Variants in SIRPG observed in about 807,000 individuals in gnomAD.
The protein encoded by SIRPG is signal regulatory protein gamma.
Under a neutral mutation model 35.7 loss-of-function variants are expected in SIRPG, and 38 were observed. The observed-to-expected ratio is 1.06, with a 90% CI of 0.82 to 1.40. The LOEUF (loss-of-function observed/expected upper bound fraction) is 1.40. SIRPG is among the 40% of genes most tolerant of loss of function. The pLI, the probability that SIRPG is intolerant of heterozygous loss-of-function variation, is 0.00. For missense variants in SIRPG, 519 were observed against 483.0 expected, an observed-to-expected ratio of 1.07 and a Z score of -0.70; for synonymous variants, 215 against 190.4, an observed-to-expected ratio of 1.13 and a Z score of -1.06.
the SIRPG span, among the ~76,000 whole-genome samples, chr20:1,680,653 T>G: frequency 6.6e-6 from 1 of 152,110 alleles, no homozygotes; most frequent in Non-Finnish European, 1.5e-5. Flanking sequence ...GATGTTTCAG[T>G]AAACAAATGA....
Position 1,636,236 on chromosome 20 carries a change from G to T in SIRPG, c.700C>A (p.Gln234Lys), listed in dbSNP as rs1439146809. ...GCAGTCCCACGAAGAGGGTCCCCCTGCAAGGTGACATGGGCCACCTCGCAG... is the reference window on the plus strand; with the variant it reads ...GCAGTCCCACGAAGAGGGTCCCCCTTCAAGGTGACATGGGCCACCTCGCAG... The part of the protein sequence containing the change: ...VICEVAHVTL[Q>K]GDPLRGTANL... The change falls in exon 3 of 6, where the codon CAG (glutamine) becomes AAG (lysine). Residue 234 changes from glutamine to lysine, a missense_variant. Gln to Lys is a moderately conservative substitution (Grantham distance 53, BLOSUM62 1). Transcript: ENST00000303415. 3 of 1,614,082 alleles carry T rather than the reference G, an allele frequency of 1.9e-6. No individual in the cohort carries two copies. Among genetic ancestry groups the T allele is most frequent in the Admixed American group, 1.7e-5 (1 of 60,002 alleles).
At chr20:1,678,892 C>T in the SIRPG span, among the ~76,000 whole-genome samples, 1 of 152,188 alleles carries the variant, frequency 6.6e-6, no homozygotes. Flanking sequence ...CAGCTGAGTT[C>T]TTATCAGAAG....
chr20:1,644,569 C>T (rs2091882707), intron 2 of SIRPG, among the ~76,000 whole-genome samples: 1 of 152,148 alleles, frequency 6.6e-6, no homozygotes, highest in South Asian at 2.1e-4. Flanking sequence ...GCAGCCACAG[C>T]TGTGATCCTG....
At chr20:1,643,470 T>G (rs530697920) in intron 2 of SIRPG, among the ~76,000 whole-genome samples, 1 of 152,300 alleles carries the variant, frequency 6.6e-6, no homozygotes, top group South Asian at 2.1e-4. Context: ...CCAGCTCCTG[T>G]AACCTTTTAT....
At chr20:1,683,335 T>C in the SIRPG span, among the ~76,000 whole-genome samples, 146 of 152,340 alleles carry the variant, frequency 9.6e-4, 1 homozygote, top group African/African-American at 3.3e-3. Context: ...GAAAACAGTA[T>C]GGAGTTTCCT....
chr20:1,635,520 G>A lies in SIRPG; in HGVS notation c.828C>T (p.Phe276=), dbSNP rs774888855. ...QVNVTCQVRK[F]YPQSLQLTWS... is the part of the protein sequence containing the mutation. ...AGGTCAGCTGTAGGCTCTGGGGGTA[G>A]AACTTCCTCACCTGGCAGGTGACGT... Residue 276 remains phenylalanine, a synonymous_variant, in exon 4 of 6, where the codon TTC becomes TTT. Transcript: ENST00000303415. 4 of 1,614,146 alleles carry A rather than the reference G, an allele frequency of 2.5e-6. No homozygotes were observed. In the South Asian group the frequency reaches 4.4e-5, roughly 18 times the overall value.
At chr20:1,663,326 TA>T in the SIRPG span, among the ~76,000 whole-genome samples, 2 of 150,494 alleles carry the variant, frequency 1.3e-5, no homozygotes, top group African/African-American at 2.4e-5. Context: ...TCTCAAAAAA[TA>T]AAAAAAAATC....
the SIRPG span, chr20:1,666,607 T>C: frequency 2.0e-5 from 3 of 152,204 alleles, no homozygotes; most frequent in African/African-American, 4.8e-5. Context: ...GTCACTGCAC[T>C]CCAGCCTGGG....
chr20:1,664,257 TAGAG>T, the SIRPG span, among the ~76,000 whole-genome samples: 11 of 152,176 alleles, frequency 7.2e-5, no homozygotes, highest in Admixed American at 5.9e-4. Context: ...ACATGGGATT[TAGAG>T]AGAACAAATA....
chr20:1,685,296 C>T, the SIRPG span, among the ~76,000 whole-genome samples: 3 of 152,142 alleles, frequency 2.0e-5, no homozygotes, highest in Non-Finnish European at 4.4e-5. Context: ...TGTGTTGAAG[C>T]CCCAGTCCCC....
chr20:1,661,261 C>T (rs1308203948), upstream of SIRPG, among the ~76,000 whole-genome samples: 1 of 152,116 alleles, frequency 6.6e-6, no homozygotes, highest in Non-Finnish European at 1.5e-5. Flanking sequence ...AGGTCATGTG[C>T]CCAGCCCTAG....
chr20:1,654,853 A>G (rs924952256), intron 1 of SIRPG, among the ~76,000 whole-genome samples: 1 of 152,220 alleles, frequency 6.6e-6, no homozygotes, highest in African/African-American at 2.4e-5. Flanking sequence ...AAACAACCCT[A>G]TTAAAATATG....
At chr20:1,654,217 G>A (rs894764929) in intron 1 of SIRPG, among the ~76,000 whole-genome samples, 12 of 147,072 alleles carry the variant, frequency 8.2e-5, no homozygotes, top group African/African-American at 1.8e-4. Context: ...CCAGACTGGC[G>A]ACAGAGCAAG....
At chr20:1,666,407 G>C in the SIRPG span, 1 of 152,258 alleles carries the variant, frequency 6.6e-6, no homozygotes, top group South Asian at 2.1e-4. Flanking sequence ...TCAGGAGGCT[G>C]AGGCAGGAGG....
the SIRPG span, among the ~76,000 whole-genome samples, chr20:1,668,708 T>C: frequency 6.6e-6 from 1 of 152,224 alleles, no homozygotes; most frequent in South Asian, 2.1e-4. Context: ...ATTTAGATGA[T>C]ATGAGGAAAT....
chr20:1,635,721 A>T lies in SIRPG; in HGVS notation c.749-122T>A. ...ACCAGGACAGTGCTAGGCAGGCAGC[A>T]GATGCTAAGACATTGAGGGCGCTCT... is the stretch of plus-strand genomic sequence containing the variant. On this transcript the variant is annotated intron_variant, in intron 3 of 5. Coordinates refer to ENST00000303415, the MANE Select transcript of SIRPG (RefSeq NM_018556.4). 2.9e-6 allele frequency: 3 copies of T among 1,040,684 alleles called. No individual in the cohort carries two copies. In the East Asian group the frequency reaches 7.6e-5, roughly 26 times the overall value. The allele number at this position is 1,040,684 out of a possible 1,614,324, so 64.5% of individuals were successfully genotyped here. A position where few individuals can be genotyped will look rare whatever the true frequency, so the allele number is the denominator to read the frequency against.
At chr20:1,659,941 C>T (rs138073483), upstream of SIRPG, among the ~76,000 whole-genome samples, 663 of 152,316 alleles carry the variant, frequency 4.4e-3, 8 homozygotes, top group African/African-American at 0.016. Context: ...TGAGGAACAG[C>T]ACTGCAGCTA....
chr20:1,668,380 T>G, the SIRPG span, among the ~76,000 whole-genome samples: 1 of 151,934 alleles, frequency 6.6e-6, no homozygotes, highest in African/African-American at 2.4e-5. Context: ...CTTCTTGGGT[T>G]CAAGCGATTC....
At chr20:1,676,600 G>A in the SIRPG span, 13 of 152,632 alleles carry the variant, frequency 8.5e-5, no homozygotes, top group African/African-American at 3.1e-4. Flanking sequence ...CGATGAAAAG[G>A]AGAATTGCTG....
Sources: allele counts gnomAD v4.1 joint callset (sites outside exome capture counted in the v4.1 genomes callset), GRCh38; gene constraint gnomAD v4.1.1; transcripts MANE v1.5; gene names NCBI Gene and HGNC (gene_info 2026-07-23, HGNC 2026-07-21).